Variants in QTMAN observed in about 807,000 individuals in gnomAD.
The protein encoded by QTMAN is queuosine-tRNA mannosyltransferase.
At chr2:144,070,698 T>C in the QTMAN span, among the ~76,000 whole-genome samples, 92 of 152,312 alleles carry the variant, frequency 6.0e-4, no homozygotes, top group African/African-American at 2.1e-3. Context: ...ATAATCAATG[T>C]ATTAAAGTCA....
At chr2:144,001,785 T>A in the QTMAN span, among the ~76,000 whole-genome samples, 1 of 151,180 alleles carries the variant, frequency 6.6e-6, no homozygotes, top group Non-Finnish European at 1.5e-5. Flanking sequence ...TTGACTTATA[T>A]AAGATAAACA....
the QTMAN span, among the ~76,000 whole-genome samples, chr2:144,040,935 G>T: frequency 6.6e-6 from 1 of 152,114 alleles, no homozygotes; most frequent in Admixed American, 6.5e-5. Flanking sequence ...TTCTCTTCCA[G>T]AGTGTACTCC....
chr2:144,145,660 GA>G, the QTMAN span: 2 of 1,611,524 alleles, frequency 1.2e-6, no homozygotes, highest in Non-Finnish European at 1.7e-6. Context: ...TGAAAATACA[GA>G]ATCTTTTTCA....
At chr2:144,089,939 G>A in the QTMAN span, among the ~76,000 whole-genome samples, 211 of 152,012 alleles carry the variant, frequency 1.4e-3, 2 homozygotes, top group African/African-American at 5.0e-3. Context: ...TGATCACTAC[G>A]CAGTATATAC....
At chr2:144,132,034 T>G in the QTMAN span, among the ~76,000 whole-genome samples, 2 of 151,912 alleles carry the variant, frequency 1.3e-5, no homozygotes, top group South Asian at 4.1e-4. Flanking sequence ...TGAACATGCC[T>G]GAATATTCAG....
the QTMAN span, among the ~76,000 whole-genome samples, chr2:144,225,271 T>C: frequency 6.6e-6 from 1 of 152,174 alleles, no homozygotes; most frequent in Non-Finnish European, 1.5e-5. Context: ...GCCTCTGGTA[T>C]CAGACCTTCT....
the QTMAN span, among the ~76,000 whole-genome samples, chr2:144,084,918 T>C: frequency 6.7e-6 from 1 of 149,454 alleles, no homozygotes; most frequent in Admixed American, 6.6e-5. Flanking sequence ...GTGTTAAACA[T>C]TCAGATTCTC....
chr2:144,059,404 T>C, the QTMAN span, among the ~76,000 whole-genome samples: 2 of 152,190 alleles, frequency 1.3e-5, no homozygotes, highest in African/African-American at 4.8e-5. Context: ...AGGAAAAGGA[T>C]AGCATCATTC....
the QTMAN span, among the ~76,000 whole-genome samples, chr2:143,979,230 T>C: frequency 6.6e-6 from 1 of 151,116 alleles, no homozygotes; most frequent in Non-Finnish European, 1.5e-5. Context: ...ATAGAATCAG[T>C]GATCTTGAGA....
the QTMAN span, among the ~76,000 whole-genome samples, chr2:144,329,737 T>A: frequency 1.2e-3 from 182 of 152,320 alleles, no homozygotes; most frequent in Middle Eastern, 0.027. Flanking sequence ...ATATTGGAAT[T>A]CAACCTAACA....
chr2:144,307,755 T>A, the QTMAN span, among the ~76,000 whole-genome samples: 1 of 152,170 alleles, frequency 6.6e-6, no homozygotes, highest in Non-Finnish European at 1.5e-5. Flanking sequence ...TCACGTCCTA[T>A]TCACCTAGGA....
At chr2:144,259,205 C>A in the QTMAN span, among the ~76,000 whole-genome samples, 2 of 152,188 alleles carry the variant, frequency 1.3e-5, no homozygotes, top group Non-Finnish European at 2.9e-5. Context: ...GTCGCCCAGG[C>A]TGGAGTGCAG....
the QTMAN span, among the ~76,000 whole-genome samples, chr2:144,090,580 T>C: frequency 6.6e-6 from 1 of 151,844 alleles, no homozygotes; most frequent in African/African-American, 2.4e-5. Flanking sequence ...CAAGGAACAG[T>C]CAGAAACTGA....
chr2:144,313,983 G>GTT, the QTMAN span, among the ~76,000 whole-genome samples: 6 of 151,424 alleles, frequency 4.0e-5, no homozygotes, highest in South Asian at 1.0e-3. Flanking sequence ...TACATATAAA[G>GTT]TTATATATAT....
At chr2:143,963,445 T>C in the QTMAN span, among the ~76,000 whole-genome samples, 1 of 152,056 alleles carries the variant, frequency 6.6e-6, no homozygotes, top group South Asian at 2.1e-4. Flanking sequence ...TAAATGTATA[T>C]ACAAGTTGTA....
chr2:144,324,895 T>G, the QTMAN span, among the ~76,000 whole-genome samples: 6 of 150,716 alleles, frequency 4.0e-5, no homozygotes, highest in Non-Finnish European at 5.9e-5. Context: ...TCATCACACC[T>G]AACAGGCTCT....
At chr2:144,303,383 TA>T in the QTMAN span, among the ~76,000 whole-genome samples, 2 of 152,046 alleles carry the variant, frequency 1.3e-5, no homozygotes, top group Non-Finnish European at 2.9e-5. Context: ...ATGATTTATT[TA>T]AAAAAAGGTT....
chr2:144,330,457 A>G, the QTMAN span, among the ~76,000 whole-genome samples: 1 of 152,224 alleles, frequency 6.6e-6, no homozygotes, highest in East Asian at 1.9e-4. Context: ...TATATACACC[A>G]TAACTCTAAG....
the QTMAN span, chr2:143,957,177 C>G: frequency 6.4e-7 from 1 of 1,571,770 alleles, no homozygotes; most frequent in South Asian, 1.2e-5. Context: ...TCACATATCA[C>G]AAACAGAAAG....
Sources: allele counts gnomAD v4.1 joint callset (sites outside exome capture counted in the v4.1 genomes callset), GRCh38; gene constraint gnomAD v4.1.1; transcripts MANE v1.5; gene names NCBI Gene and HGNC (gene_info 2026-07-23, HGNC 2026-07-21).